The following DMD variants were observed in gnomAD, a reference collection of about 807,000 sequenced individuals.
The protein encoded by DMD is mutant dystrophin.
In DMD, 63 loss-of-function variants were observed where a neutral mutation model predicts 330.1. The ratio of observed to expected loss-of-function variants is 0.19; its 90% CI spans 0.16 to 0.24. The LOEUF (loss-of-function observed/expected upper bound fraction) is 0.24, where lower values mean the gene tolerates loss of function less well. Ranked by LOEUF, DMD falls within the 10% of genes least tolerant of loss-of-function variation. DMD has a pLI of 1.00. For synonymous variants in DMD, 1,223 were observed against 959.8 expected (o/e 1.27, Z -5.07); for missense variants, 3,344 against 2,684.1 (o/e 1.25, Z -5.43).
At chrX:31,971,438 T>G (rs779103799) in intron 44 of DMD, among the ~76,000 whole-genome samples, 2 of 111,292 alleles carry the variant, frequency 1.8e-5, no homozygotes, top group Non-Finnish European at 3.8e-5. Flanking sequence ...TAATTTAAAA[T>G]TGTTAGATCT....
At chrX:32,677,031 T>A (rs2062018641) in intron 9 of DMD, among the ~76,000 whole-genome samples, 1 of 111,711 alleles carries the variant, frequency 9.0e-6, no homozygotes. Context: ...ATTTTTAAAT[T>A]ACATGTTTTA....
At chrX:33,054,301 ATATACATACACACC>A (rs2094493588) in intron 1 of DMD, among the ~76,000 whole-genome samples, 1 of 112,212 alleles carries the variant, frequency 8.9e-6, no homozygotes, top group South Asian at 3.7e-4. Flanking sequence ...CTATACATAT[ATATACATACACACC>A]TATATGCCTA....
intron 7 of DMD, among the ~76,000 whole-genome samples, chrX:32,726,262 A>G (rs1021317269): frequency 5.4e-5 from 6 of 111,296 alleles, no homozygotes; most frequent in Admixed American, 4.8e-4. Context: ...CATATTCACA[A>G]TGTAGCTTAT....
chrX:31,154,178 T>C (rs73460292), intron 74 of DMD, among the ~76,000 whole-genome samples: 7,949 of 112,232 alleles, frequency 0.071, 589 homozygotes, highest in African/African-American at 0.23. Flanking sequence ...TTTTGAGGTA[T>C]ACCATAATGT....
intron 2 of DMD, among the ~76,000 whole-genome samples, chrX:32,879,039 A>ACAACAAACAAAAAACAAAC (rs754417615): frequency 1.0e-5 from 1 of 99,732 alleles, no homozygotes; most frequent in African/African-American, 3.6e-5. Flanking sequence ...AAACAAACAA[A>ACAACAAACAAAAAACAAAC]AAAAAAACAA....
At chrX:32,742,847 T>G (rs1320515845) in intron 7 of DMD, among the ~76,000 whole-genome samples, 1 of 112,133 alleles carries the variant, frequency 8.9e-6, no homozygotes, top group South Asian at 3.7e-4. Flanking sequence ...AATAATTTAT[T>G]TAATCCTCAC....
At chrX:32,851,063 G>A (rs1411800573) in intron 2 of DMD, among the ~76,000 whole-genome samples, 1 of 111,991 alleles carries the variant, frequency 8.9e-6, no homozygotes, top group South Asian at 3.7e-4. Context: ...TCTAACATTA[G>A]CCTTTGGGTG....
intron 53 of DMD, among the ~76,000 whole-genome samples, chrX:31,673,004 G>A (rs1206151191): frequency 8.9e-6 from 1 of 112,397 alleles, no homozygotes; most frequent in Non-Finnish European, 1.9e-5. Context: ...TCTAAGTCGG[G>A]CCAAATAAAG....
intron 1 of DMD, among the ~76,000 whole-genome samples, chrX:33,025,839 A>T (rs1026982839): frequency 8.9e-6 from 1 of 112,107 alleles, no homozygotes; most frequent in African/African-American, 3.2e-5. Context: ...GACTACAGGC[A>T]TGAGCCACCA....
intron 51 of DMD, among the ~76,000 whole-genome samples, chrX:31,744,044 A>G (rs972417311): frequency 1.4e-4 from 16 of 110,391 alleles, no homozygotes; most frequent in Admixed American, 1.2e-3. Context: ...TTCTACATAT[A>G]TATTTTAAAG....
At chrX:31,266,181 A>AAAAAAAAAAAAAAAAAAAAAC (rs2051071237) in intron 62 of DMD, among the ~76,000 whole-genome samples, 1 of 103,702 alleles carries the variant, frequency 9.6e-6, no homozygotes, top group African/African-American at 3.7e-5. Flanking sequence ...AAAAAAAAAA[A>AAAAAAAAAAAAAAAAAAAAAC]AAGCCCAAAC....
chrX:33,180,004 T>C (rs992813268), intron 1 of DMD, among the ~76,000 whole-genome samples: 5 of 109,653 alleles, frequency 4.6e-5, no homozygotes, highest in African/African-American at 1.7e-4. Context: ...GCCTGGCTAA[T>C]TTTGTATTTT....
intron 1 of DMD, among the ~76,000 whole-genome samples, chrX:33,080,772 T>A (rs1055249444): frequency 1.8e-5 from 2 of 111,617 alleles, no homozygotes; most frequent in African/African-American, 6.5e-5. Flanking sequence ...GCAAATCTGA[T>A]AGCTGACCTT....
chrX:31,549,758 C>T (rs1182103837), intron 55 of DMD, among the ~76,000 whole-genome samples: 1 of 112,241 alleles, frequency 8.9e-6, no homozygotes, highest in Non-Finnish European at 1.9e-5. Flanking sequence ...ACACAAAACA[C>T]ATTCATAAAT....
In DMD at chrX:31,585,323, C is replaced by CAA. The variant is rs1213158531; in HGVS notation, c.8217+42348_8217+42349dup. 8.3e-3 allele frequency among the ~76,000 whole-genome samples: 296 copies of CAA among 35,534 alleles called. 3 individuals are homozygous for CAA. The highest frequency in any genetic ancestry group is 0.024 in the African/African-American group (204 of 8,507). The allele number at this position is 35,534 out of a possible 115,157, so 30.9% of individuals were successfully genotyped here. The stretch of plus-strand genomic sequence containing the variant: ...TAGGCAACAGAGTGAGACCCTGTCT[C>CAA]AAAAAAAAAAAAAAAAAAAAAAAGA... On this transcript the variant is annotated intron_variant, in intron 55 of 78. Coordinates refer to ENST00000357033, the MANE Select transcript of DMD (RefSeq NM_004006.3).
intron 7 of DMD, among the ~76,000 whole-genome samples, chrX:32,750,093 T>TATATATATACTTCTA (rs2070615815): frequency 3.6e-5 from 4 of 112,350 alleles, no homozygotes; most frequent in African/African-American, 1.3e-4. Context: ...TAGAAGACAC[T>TATATATATACTTCTA]CATAAGTGTT....
chrX:32,630,101 T>A (rs1022746406), intron 11 of DMD, among the ~76,000 whole-genome samples: 5 of 112,074 alleles, frequency 4.5e-5, no homozygotes, highest in African/African-American at 1.6e-4. Flanking sequence ...CCCTTTACCA[T>A]TTCTTGTAGA....
intron 47 of DMD, among the ~76,000 whole-genome samples, chrX:31,911,236 T>C (rs2094542698): frequency 8.9e-6 from 1 of 112,289 alleles, no homozygotes; most frequent in Non-Finnish European, 1.9e-5. Context: ...TATAATGTAT[T>C]GCTGCTTTAT....
chrX:32,539,272 C>G (rs945275697), intron 17 of DMD, among the ~76,000 whole-genome samples: 1 of 107,639 alleles, frequency 9.3e-6, no homozygotes, highest in Non-Finnish European at 1.9e-5. Context: ...CATGACATTG[C>G]AACTATAACA....
Sources: gnomAD v4.1 joint callset for allele counts (sites outside exome capture counted in the v4.1 genomes callset) on GRCh38, gnomAD v4.1.1 for gene constraint, MANE v1.5 for transcripts, NCBI Gene and HGNC (gene_info 2026-07-23, HGNC 2026-07-21) for gene names.